Variants in PUS10 observed in about 807,000 individuals in gnomAD.
PUS10 encodes pseudouridine synthase 10.
PUS10 carries 59 observed loss-of-function variants against 75.0 expected under a neutral mutation model. The ratio of observed to expected loss-of-function variants is 0.79; its 90% CI spans 0.64 to 0.98. The LOEUF (loss-of-function observed/expected upper bound fraction) is 0.98. PUS10 is among the 50% of genes least tolerant of loss of function. PUS10 has a pLI of 0.00. For missense variants in PUS10, 650 were observed against 614.4 expected (o/e 1.06, Z -0.61); for synonymous variants, 219 against 211.6 (o/e 1.03, Z -0.30).
At chr2:60,971,490 T>C (rs1395921753) in intron 5 of PUS10, 33 bp downstream of exon 5, 1 of 1,586,930 alleles carries the variant, frequency 6.3e-7, no homozygotes, top group African/African-American at 1.3e-5. Flanking sequence ...TGTATTTGAA[T>C]GGTAGTAAAA....
chr2:61,011,832 G>C lies in PUS10; in HGVS notation c.59C>G (p.Thr20Ser), dbSNP rs751470608. Residue 20 changes from threonine to serine, a missense_variant, in exon 2 of 18, where the codon ACT becomes AGT. By Grantham distance (58) the Thr-to-Ser change is moderately conservative. Transcript: ENST00000316752. The stretch of plus-strand genomic sequence containing the variant: ...GAATCTGAAGATACATCTTGGACAA[G>C]TACCAGTATTGAGCAACAACTGGGC... Reference protein sequence around the residue: ...HVAQLLLNTGTCPRCIFRFCG... With the variant: ...HVAQLLLNTGSCPRCIFRFCG... 3.7e-5 allele frequency: 60 copies of C among 1,610,612 alleles called. No homozygotes were observed. The highest frequency in any genetic ancestry group is 4.2e-5 in the Non-Finnish European group (49 of 1,178,156).
At chr2:60,949,697 T>C (rs1181607771) in intron 15 of PUS10, among the ~76,000 whole-genome samples, 1 of 152,234 alleles carries the variant, frequency 6.6e-6, no homozygotes, top group Non-Finnish European at 1.5e-5. Flanking sequence ...AAAACATTAT[T>C]TGAAATCAAC....
At chr2:61,007,950 G>A (rs1679341859) in intron 3 of PUS10, among the ~76,000 whole-genome samples, 1 of 151,848 alleles carries the variant, frequency 6.6e-6, no homozygotes, top group Non-Finnish European at 1.5e-5. Context: ...GGTGGCGGGT[G>A]CCTGTAGTCC....
At chr2:60,986,702 T>C (rs1174759854) in intron 4 of PUS10, among the ~76,000 whole-genome samples, 1 of 152,244 alleles carries the variant, frequency 6.6e-6, no homozygotes, top group African/African-American at 2.4e-5. Flanking sequence ...TCTGCTAGTT[T>C]AGTGTGCCTG....
chr2:60,999,689 G>A (rs765844907), intron 4 of PUS10, among the ~76,000 whole-genome samples: 1 of 152,118 alleles, frequency 6.6e-6, no homozygotes, highest in Non-Finnish European at 1.5e-5. Flanking sequence ...AAAGGCTTAA[G>A]ATCTCTAGTC....
At chr2:61,000,857 C>T (rs967254739) in intron 4 of PUS10, among the ~76,000 whole-genome samples, 18 of 152,146 alleles carry the variant, frequency 1.2e-4, no homozygotes, top group Non-Finnish European at 1.9e-4. Context: ...AAAAAATTTG[C>T]AATCTCCAGC....
At chr2:60,954,327 G>A (rs1042704512) in intron 12 of PUS10, among the ~76,000 whole-genome samples, 169 bp from the exon 13 acceptor site, 1 of 152,136 alleles carries the variant, frequency 6.6e-6, no homozygotes, top group Non-Finnish European at 1.5e-5. Context: ...AGAATCAAGG[G>A]GCTTTTTGCA....
At chr2:60,972,705 T>G (rs916110325) in intron 4 of PUS10, among the ~76,000 whole-genome samples, 1 of 152,186 alleles carries the variant, frequency 6.6e-6, no homozygotes, top group African/African-American at 2.4e-5. Context: ...CGATTATCAT[T>G]CACATCCACT....
rs1559003849 is a variant in PUS10, at chr2:61,011,824, T to C, written c.67A>G (p.Arg23Gly). ...QLLLNTGTCP[R>G]CIFRFCGVDF... Reference sequence around the variant, plus strand: ...ACACCACAGAATCTGAAGATACATCTTGGACAAGTACCAGTATTGAGCAAC... The same window carrying C: ...ACACCACAGAATCTGAAGATACATCCTGGACAAGTACCAGTATTGAGCAAC... The change falls in exon 2 of 18, where the codon AGA (arginine) becomes GGA (glycine). Residue 23 changes from arginine to glycine, a missense_variant. Coordinates refer to ENST00000316752, the MANE Select transcript of PUS10 (RefSeq NM_144709.4). The C allele has an allele frequency of 6.2e-7, 1 of 1,611,554 alleles. No individual in the cohort carries two copies. Among genetic ancestry groups the C allele is most frequent in the Non-Finnish European group, 8.5e-7 (1 of 1,178,516 alleles).
chr2:60,949,176 C>T (rs893761632), intron 15 of PUS10, among the ~76,000 whole-genome samples: 5 of 152,150 alleles, frequency 3.3e-5, no homozygotes, highest in African/African-American at 9.6e-5. Flanking sequence ...ATTATAGAAA[C>T]ACTTTGTCCT....
At chr2:60,957,521 T>A (rs1269500824) in intron 11 of PUS10, among the ~76,000 whole-genome samples, 1 of 152,252 alleles carries the variant, frequency 6.6e-6, no homozygotes, top group Admixed American at 6.5e-5. Context: ...AACACGGTGC[T>A]GTACCTTTAT....
At chr2:61,010,657 T>G (rs1226788342) in intron 2 of PUS10, 2 of 1,006,982 alleles carry the variant, frequency 2.0e-6, no homozygotes, top group African/African-American at 3.2e-5. Flanking sequence ...TCCACGTACT[T>G]TATTAGGTAT....
chr2:61,017,662 C>T (rs1377558486), intron 1 of PUS10: 3 of 949,454 alleles, frequency 3.2e-6, no homozygotes, highest in East Asian at 5.3e-5. Flanking sequence ...GGGTGGACGG[C>T]TCGGTGTTCT....
intron 5 of PUS10, among the ~76,000 whole-genome samples, chr2:60,968,876 T>G (rs180728037): frequency 6.5e-4 from 99 of 152,292 alleles, no homozygotes; most frequent in African/African-American, 2.2e-3. Context: ...TGTGTGAGCT[T>G]CATAAACTGT....
At chr2:60,956,041 G>A (rs13396326) in intron 11 of PUS10, among the ~76,000 whole-genome samples, 3 of 151,608 alleles carry the variant, frequency 2.0e-5, no homozygotes, top group Admixed American at 6.6e-5. Context: ...TATGCTCTGC[G>A]ATAAGTTGAT....
chr2:60,965,305 T>C (rs574342582), intron 7 of PUS10, 118 bp downstream of exon 7: 10 of 1,021,928 alleles, frequency 9.8e-6, no homozygotes, highest in East Asian at 9.5e-5. Context: ...ATTTTAAACC[T>C]ACTAAGACAT....
chr2:60,994,846 T>C (rs1033892020), intron 4 of PUS10, among the ~76,000 whole-genome samples: 3 of 152,194 alleles, frequency 2.0e-5, no homozygotes, highest in Non-Finnish European at 4.4e-5. Flanking sequence ...CCCAGCATTT[T>C]GGGAGGCTGA....
chr2:60,979,990 T>A (rs933447277), intron 4 of PUS10, among the ~76,000 whole-genome samples: 11 of 152,164 alleles, frequency 7.2e-5, no homozygotes, highest in Admixed American at 4.6e-4. Context: ...GGTGCTGATG[T>A]TTGTTTAGAA....
chr2:60,961,508 C>T lies in PUS10; in HGVS notation c.829G>A (p.Ala277Thr), dbSNP rs113622721. Residue 277 changes from alanine to threonine, a missense_variant, in exon 10 of 18, where the codon GCT (alanine) becomes ACT (threonine). Coordinates refer to ENST00000316752, the MANE Select transcript of PUS10 (RefSeq NM_144709.4). ...TGAGCACATTCAATTTCAAGAACAGCGCATACAGCCTTTGGTGAGTTTGGA... is the reference window on the plus strand; with the variant it reads ...TGAGCACATTCAATTTCAAGAACAGTGCATACAGCCTTTGGTGAGTTTGGA... ...CPPNSPKAVC[A>T]VLEIECAHGA... The T allele has an allele frequency of 2.3e-3, 3,734 of 1,613,992 alleles. 82 individuals are homozygous for T. The African/African-American group carries it at 0.04, about 17-fold the overall frequency.
Sources: gnomAD v4.1 joint callset for allele counts (sites outside exome capture counted in the v4.1 genomes callset) on GRCh38, gnomAD v4.1.1 for gene constraint, MANE v1.5 for transcripts, NCBI Gene and HGNC (gene_info 2026-07-23, HGNC 2026-07-21) for gene names.